The following SYNM variants were observed in gnomAD, a reference collection of about 807,000 sequenced individuals.
SYNM encodes synemin.
Under a neutral mutation model 104.0 loss-of-function variants are expected in SYNM, and 95 were observed. That is an observed-to-expected ratio of 0.91 (90% CI 0.77 to 1.08). The LOEUF is 1.08. Ranked by LOEUF, SYNM falls within the 50% of genes least tolerant of loss-of-function variation. The pLI, the probability that SYNM is intolerant of heterozygous loss-of-function variation, is 0.00. For missense variants in SYNM, 2,150 were observed against 2,052.2 expected (o/e 1.05, Z -0.92); for synonymous variants, 918 against 869.0 (o/e 1.06, Z -0.99).
In SYNM at chr15:99,105,726, C is replaced by T. The variant is rs2067230486; in HGVS notation, c.527C>T (p.Pro176Leu). Residue 176 changes from proline to leucine, a missense_variant, in exon 1 of 4, where the codon CCG becomes CTG. Pro to Leu is a moderately conservative substitution (Grantham distance 98, BLOSUM62 -3). Coordinates refer to ENST00000336292, the MANE Select transcript of SYNM (RefSeq NM_145728.3). ...FRARATGPAA[P>L]PPRLREVHDS... Reference sequence around the variant, plus strand: ...GCCCGCGCCACCGGCCCCGCCGCGCCGCCGCCACGCCTGCGGGAGGTGCAC... The same window carrying T: ...GCCCGCGCCACCGGCCCCGCCGCGCTGCCGCCACGCCTGCGGGAGGTGCAC... 6.7e-7 allele frequency: 1 copy of T among 1,501,284 alleles called. No individual in the cohort carries two copies. The highest frequency in any genetic ancestry group is 1.3e-5 in the South Asian group (1 of 79,660). 93.0% of individuals were successfully genotyped at this position (1,501,284 alleles called of 1,614,324 possible). A position where few individuals can be genotyped will look rare whatever the true frequency, so the allele number is the denominator to read the frequency against.
At chr15:99,116,952 G>A (rs1215739515) in intron 2 of SYNM, among the ~76,000 whole-genome samples, 1 of 143,982 alleles carries the variant, frequency 6.9e-6, no homozygotes, top group Non-Finnish European at 1.5e-5. Flanking sequence ...TGGGATTACA[G>A]GCATGAGCCC....
intron 2 of SYNM, among the ~76,000 whole-genome samples, chr15:99,116,710 C>T (rs1555484008): frequency 7.0e-6 from 1 of 142,386 alleles, no homozygotes; most frequent in African/African-American, 2.5e-5. Flanking sequence ...CTCTGTCACC[C>T]AGGCTGGAGT....
chr15:99,139,368 G>A (rs35528984), downstream of SYNM: 1,189 of 1,614,028 alleles, frequency 7.4e-4, 8 homozygotes, highest in African/African-American at 0.013. Flanking sequence ...TTTGTCCTGC[G>A]GTCCATATAA....
chr15:99,107,083 G>A (rs1555482899), intron 1 of SYNM, among the ~76,000 whole-genome samples: 1 of 152,230 alleles, frequency 6.6e-6, no homozygotes, highest in Non-Finnish European at 1.5e-5. Context: ...TAGACTTTCA[G>A]TATGCAAAGA....
At chr15:99,113,541 C>G in intron 1 of SYNM, 50 bp from the exon 2 acceptor site, 1 of 1,607,554 alleles carries the variant, frequency 6.2e-7, no homozygotes, top group Admixed American at 1.7e-5. Context: ...TTCAGTTCGA[C>G]CCAGTAAAGC....
At chr15:99,128,133 T>C (rs1263252199) in intron 3 of SYNM, among the ~76,000 whole-genome samples, 3 of 152,238 alleles carry the variant, frequency 2.0e-5, no homozygotes, top group Admixed American at 2.0e-4. Flanking sequence ...GAATAAAAAT[T>C]ACTAGTTGGG....
At chr15:99,109,298 C>A (rs1233188032) in intron 1 of SYNM, among the ~76,000 whole-genome samples, 1 of 152,194 alleles carries the variant, frequency 6.6e-6, no homozygotes, top group East Asian at 1.9e-4. Context: ...GAGTGACACA[C>A]CCAGGCTGCA....
At chr15:99,120,836 A>G (rs1292122933) in intron 2 of SYNM, among the ~76,000 whole-genome samples, 1 of 151,970 alleles carries the variant, frequency 6.6e-6, no homozygotes, top group African/African-American at 2.4e-5. Flanking sequence ...AGAGAGGGAG[A>G]GGGACTATAG....
chr15:99,105,685 T>G lies in SYNM; in HGVS notation c.486T>G (p.Leu162=). 1 of 1,473,934 alleles carries G rather than the reference T, an allele frequency of 6.8e-7. No individual in the cohort carries two copies. The highest frequency in any genetic ancestry group is 1.5e-5 in the African/African-American group (1 of 67,194). The allele number at this position is 1,473,934 out of a possible 1,614,324, so 91.3% of individuals were successfully genotyped here. ...AGCTGCGCGCGCGCGCCGCCAGCCTTACCATGCATTTCCGCGCCCGCGCCA... is the reference window on the plus strand; with the variant it reads ...AGCTGCGCGCGCGCGCCGCCAGCCTGACCATGCATTTCCGCGCCCGCGCCA... ...VRELRARAAS[L]TMHFRARATG... The change falls in exon 1 of 4, where the codon CTT becomes CTG. Residue 162 remains leucine, a synonymous_variant. Coordinates refer to ENST00000336292, the MANE Select transcript of SYNM (RefSeq NM_145728.3).
rs1555482508 is a variant in SYNM at position 99,105,641 on chromosome 15, C to G, written c.442C>G (p.His148Asp). 2.2e-6 allele frequency: 3 copies of G among 1,361,670 alleles called. No individual in the cohort carries two copies. Among genetic ancestry groups the G allele is most frequent in the Non-Finnish European group, 2.8e-6 (3 of 1,057,426 alleles). The allele number at this position is 1,361,670 out of a possible 1,614,324, so 84.3% of individuals were successfully genotyped here. A position where few individuals can be genotyped will look rare whatever the true frequency, so the allele number is the denominator to read the frequency against. The change falls in exon 1 of 4, where the codon CAC (histidine) becomes GAC (aspartate). Residue 148 changes from histidine to aspartate, a missense_variant. Coordinates refer to ENST00000336292, the MANE Select transcript of SYNM (RefSeq NM_145728.3). ...QAERRGLDAA[H>D]ERDVRELRAR... The stretch of plus-strand genomic sequence containing the variant: ...CGAGCGCCGAGGCCTCGACGCGGCC[C>G]ACGAACGCGACGTGAGGGAGCTGCG...
intron 2 of SYNM, among the ~76,000 whole-genome samples, chr15:99,114,948 C>T (rs73476392): frequency 0.033 from 5,097 of 152,264 alleles, 273 homozygotes; most frequent in African/African-American, 0.12. Flanking sequence ...CAATAGCCAG[C>T]TTTATGGCGT....
At chr15:99,138,122 G>A (rs2067742079), downstream of SYNM, 4 of 1,612,326 alleles carry the variant, frequency 2.5e-6, no homozygotes, top group South Asian at 4.4e-5. Context: ...AGCAACCTTG[G>A]GGGCCCTGCA....
chr15:99,108,007 G>T (rs950075365), intron 1 of SYNM, among the ~76,000 whole-genome samples: 3 of 147,712 alleles, frequency 2.0e-5, no homozygotes, highest in African/African-American at 7.6e-5. Flanking sequence ...ACGGAGTCTT[G>T]CTCTGTCGCC....
In SYNM at chr15:99,119,633, G is replaced by C. The variant is rs906761; in HGVS notation, c.935+5918G>C. Among the ~76,000 whole-genome samples the C allele has an allele frequency of 1.8e-3, 281 of 152,312 alleles. 2 individuals are homozygous for C. Among genetic ancestry groups the C allele is most frequent in the African/African-American group, 6.6e-3 (273 of 41,560 alleles). ...GTCCGAGGTCACAGAATCCTGTGGA[G>C]CCATATGGAGAGGCCACACTTTAGA... On this transcript the variant is annotated intron_variant, in intron 2 of 3. Transcript: ENST00000336292.
rs2067524569 is a variant in SYNM at position 99,132,717 on chromosome 15, C to T, written c.4357C>T (p.Pro1453Ser). Residue 1453 changes from proline (P) to serine (S), a missense_variant, in exon 4 of 4, where the codon CCA becomes TCA. Transcript: ENST00000336292. Reference sequence around the variant, plus strand: ...CAGCAGAACGCTAAGGCACATTGCACCAGGGCCCAAAGAAACTTCGTTTAC... The same window carrying T: ...CAGCAGAACGCTAAGGCACATTGCATCAGGGCCCAAAGAAACTTCGTTTAC... ...DSSRTLRHIA[P>S]GPKETSFTFQ... 1 of 1,613,848 alleles carries T rather than the reference C, an allele frequency of 6.2e-7. No individual in the cohort carries two copies. Among genetic ancestry groups the T allele is most frequent in the African/African-American group, 1.3e-5 (1 of 74,910 alleles).
intron 1 of SYNM, among the ~76,000 whole-genome samples, chr15:99,109,796 C>T (rs2067284302): frequency 6.6e-6 from 1 of 152,120 alleles, no homozygotes; most frequent in African/African-American, 2.4e-5. Context: ...CAGGTGGAAA[C>T]AGCGTGTGGT....
chr15:99,139,447 G>A (rs2067963960), downstream of SYNM: 1 of 1,612,814 alleles, frequency 6.2e-7, no homozygotes, highest in East Asian at 2.2e-5. Context: ...GTGTCGCTGA[G>A]AGCAGGAAAC....
downstream of SYNM, chr15:99,140,494 C>T (rs551035981): frequency 3.9e-5 from 6 of 152,154 alleles, no homozygotes; most frequent in Admixed American, 6.5e-5. Context: ...CTCAGCCTCC[C>T]GAGTAGCTGA....
At position 99,129,878 on chromosome 15, in the gene SYNM, G is replaced by A. The variant is rs1555485482; in HGVS notation, c.1518G>A (p.Arg506=). The A allele has an allele frequency of 1.2e-6, 2 of 1,613,342 alleles. No homozygotes were observed. Among genetic ancestry groups the A allele is most frequent in the Non-Finnish European group, 1.7e-6 (2 of 1,179,660 alleles). The change falls in exon 4 of 4, where the codon AGG becomes AGA. Residue 506 remains arginine (R), a synonymous_variant. Transcript: ENST00000336292. ...LGKKTEVKAT[R]EQERNRPETI... Reference sequence around the variant, plus strand: ...AGAAAACAGAAGTGAAAGCCACGAGGGAGCAAGAAAGAAACAGACCAGAAA... The same window carrying A: ...AGAAAACAGAAGTGAAAGCCACGAGAGAGCAAGAAAGAAACAGACCAGAAA...
Sources: gnomAD v4.1 joint callset for allele counts (sites outside exome capture counted in the v4.1 genomes callset) on GRCh38, gnomAD v4.1.1 for gene constraint, MANE v1.5 for transcripts, NCBI Gene and HGNC (gene_info 2026-07-23, HGNC 2026-07-21) for gene names.